Variants in ASTN1 observed in about 807,000 individuals in gnomAD.
ASTN1 encodes astrotactin-1.
In ASTN1, 41 loss-of-function variants were observed where a neutral mutation model predicts 140.7. The observed-to-expected ratio is 0.29, with a 90% CI of 0.23 to 0.38. The LOEUF (loss-of-function observed/expected upper bound fraction) is 0.38, where lower values mean the gene tolerates loss of function less well. ASTN1 is among the 10% of genes least tolerant of loss of function. The probability of loss-of-function intolerance (pLI) is 1.00; values close to 1 mark genes in which losing one functional copy is unlikely to be tolerated. For synonymous variants in ASTN1, 640 were observed against 652.2 expected (o/e 0.98, Z 0.29); for missense variants, 1,479 against 1,678.8 (o/e 0.88, Z 2.08).
At chr1:176,969,333 C>A (rs1673031187) in intron 8 of ASTN1, among the ~76,000 whole-genome samples, 1 of 152,120 alleles carries the variant, frequency 6.6e-6, no homozygotes. Context: ...TGGAGATGGC[C>A]CCTAGCCGTA....
intron 1 of ASTN1, among the ~76,000 whole-genome samples, chr1:177,070,197 G>A (rs982981993): frequency 2.6e-5 from 4 of 152,120 alleles, no homozygotes; most frequent in Admixed American, 2.0e-4. Flanking sequence ...TGATGTGTTG[G>A]GAGCAACATG....
At chr1:176,899,984 C>CT (rs1423305572) in intron 16 of ASTN1, among the ~76,000 whole-genome samples, 1 of 152,158 alleles carries the variant, frequency 6.6e-6, no homozygotes, top group Non-Finnish European at 1.5e-5. Flanking sequence ...GGAACTATGT[C>CT]TTTTTTACCT....
At chr1:177,015,256 C>A (rs1482818881) in intron 7 of ASTN1, among the ~76,000 whole-genome samples, 1 of 152,156 alleles carries the variant, frequency 6.6e-6, no homozygotes, top group Non-Finnish European at 1.5e-5. Context: ...TTAAAGACTG[C>A]ATAAGTGAAT....
chr1:177,028,904 G>A (rs1676273354), intron 5 of ASTN1, among the ~76,000 whole-genome samples: 1 of 152,208 alleles, frequency 6.6e-6, no homozygotes, highest in South Asian at 2.1e-4. Flanking sequence ...AACTGGTAAA[G>A]CTGACCGGCG....
chr1:177,013,813 A>G (rs1571649853), intron 8 of ASTN1, among the ~76,000 whole-genome samples: 1 of 151,980 alleles, frequency 6.6e-6, no homozygotes, highest in African/African-American at 2.4e-5. Context: ...TTCTCCTCCC[A>G]CCCTCCTTCA....
At chr1:177,054,601 T>C (rs1394759611) in intron 2 of ASTN1, among the ~76,000 whole-genome samples, 1 of 152,220 alleles carries the variant, frequency 6.6e-6, no homozygotes, top group Non-Finnish European at 1.5e-5. Context: ...ATGAAAGCTT[T>C]GAACAAACAG....
intron 16 of ASTN1, among the ~76,000 whole-genome samples, chr1:176,932,965 CT>C (rs1671270628): frequency 1.3e-5 from 2 of 152,198 alleles, no homozygotes. Context: ...TCTACATTTG[CT>C]TATATTACAT....
intron 16 of ASTN1, among the ~76,000 whole-genome samples, chr1:176,913,961 G>A (rs753822077): frequency 6.6e-6 from 1 of 152,176 alleles, no homozygotes; most frequent in Non-Finnish European, 1.5e-5. Flanking sequence ...TTTAGCTAAT[G>A]ACTTATAAGG....
chr1:176,998,249 C>T (rs563948609), intron 8 of ASTN1, among the ~76,000 whole-genome samples: 1 of 152,150 alleles, frequency 6.6e-6, no homozygotes, highest in Non-Finnish European at 1.5e-5. Flanking sequence ...TATGAATACT[C>T]ATAAAGCATT....
At position 176,882,848 on chromosome 1, in the gene ASTN1, G is replaced by T. The variant is rs759382333; in HGVS notation, c.3362+11C>A. 6.2e-7 allele frequency: 1 copy of T among 1,614,126 alleles called. No individual in the cohort carries two copies. The highest frequency in any genetic ancestry group is 8.5e-7 in the Non-Finnish European group (1 of 1,180,000). ...GGGTAAGAAGTCACTAGGTAGGTGT[G>T]TGTTACTCACATGTAAATGGTGTCA... On this transcript the variant is annotated intron_variant, in intron 20 of 22. Coordinates refer to ENST00000361833, the MANE Select transcript of ASTN1 (RefSeq NM_004319.3).
At chr1:176,875,077 A>G (rs1216464100) in intron 21 of ASTN1, among the ~76,000 whole-genome samples, 2 of 152,204 alleles carry the variant, frequency 1.3e-5, no homozygotes, top group Non-Finnish European at 2.9e-5. Flanking sequence ...TCTGAAGAAT[A>G]AAACATGGTA....
intron 2 of ASTN1, among the ~76,000 whole-genome samples, chr1:177,054,517 C>T (rs530480621): frequency 5.3e-5 from 8 of 152,280 alleles, no homozygotes; most frequent in African/African-American, 1.9e-4. Flanking sequence ...CAGGAGTGTA[C>T]CACATAAGCC....
At chr1:176,954,245 G>C (rs561292304) in intron 11 of ASTN1, among the ~76,000 whole-genome samples, 3 of 152,318 alleles carry the variant, frequency 2.0e-5, no homozygotes, top group African/African-American at 7.2e-5. Flanking sequence ...GGATTATCTA[G>C]GTGGGCTCAA....
intron 17 of ASTN1, among the ~76,000 whole-genome samples, chr1:176,893,652 C>A (rs147892901): frequency 2.6e-5 from 4 of 152,326 alleles, no homozygotes; most frequent in Admixed American, 6.5e-5. Context: ...AATTATCACC[C>A]CACCTGGATG....
At chr1:176,937,846 C>T (rs1242804856) in intron 14 of ASTN1, among the ~76,000 whole-genome samples, 1 of 152,110 alleles carries the variant, frequency 6.6e-6, no homozygotes, top group Non-Finnish European at 1.5e-5. Context: ...CATTTCGACC[C>T]ATGTTTCTTT....
At chr1:176,931,415 G>A (rs1313112569) in intron 16 of ASTN1, among the ~76,000 whole-genome samples, 3 of 152,078 alleles carry the variant, frequency 2.0e-5, no homozygotes, top group Non-Finnish European at 2.9e-5. Context: ...GCGGTGAGCC[G>A]AGATCACGCC....
intron 1 of ASTN1, among the ~76,000 whole-genome samples, chr1:177,090,591 G>A (rs939381457): frequency 2.0e-5 from 3 of 152,104 alleles, no homozygotes; most frequent in African/African-American, 7.2e-5. Flanking sequence ...ATACCCATTT[G>A]ATAATAAATT....
chr1:177,004,266 G>A (rs1172433788), intron 8 of ASTN1, among the ~76,000 whole-genome samples: 1 of 151,852 alleles, frequency 6.6e-6, no homozygotes, highest in Non-Finnish European at 1.5e-5. Context: ...AACCAAGGAG[G>A]TGAAAGATCT....
At position 177,059,528 on chromosome 1, in the gene ASTN1, A is replaced by G. The variant is rs1677976659; in HGVS notation, c.471+1550T>C. Among the ~76,000 whole-genome samples the G allele has an allele frequency of 2.6e-5, 4 of 152,222 alleles. No homozygotes were observed. In the South Asian group the frequency reaches 8.3e-4, roughly 32 times the overall value. On this transcript the variant is annotated intron_variant, in intron 2 of 22. Transcript: ENST00000361833. ...ATTTACCTGCCTGACATCTGACCTT[A>G]TGTGGATATTAAGGCTTAACATTTG... is the stretch of plus-strand genomic sequence containing the variant.
Sources: gnomAD v4.1 joint callset for allele counts (sites outside exome capture counted in the v4.1 genomes callset) on GRCh38, gnomAD v4.1.1 for gene constraint, MANE v1.5 for transcripts, NCBI Gene and HGNC (gene_info 2026-07-23, HGNC 2026-07-21) for gene names.